Variants in RNF212 observed in about 807,000 individuals in gnomAD.
RNF212 encodes the protein probable E3 SUMO-protein ligase RNF212.
In RNF212, 33 loss-of-function variants were observed where a neutral mutation model predicts 34.7. The observed-to-expected ratio is 0.95, with a 90% CI of 0.72 to 1.27. RNF212 has a LOEUF of 1.27. Ranked by LOEUF, RNF212 falls within the 50% of genes most tolerant of loss-of-function variation. RNF212 has a pLI of 0.00. For missense variants in RNF212, 377 were observed against 362.2 expected (o/e 1.04, Z -0.33); for synonymous variants, 140 against 136.1 (o/e 1.03, Z -0.20).
At position 1,081,528 on chromosome 4, in the gene RNF212, A is replaced by G. The variant is rs746744686; in HGVS notation, c.415+39T>C. The G allele has an allele frequency of 1.2e-5, 19 of 1,604,232 alleles. No individual in the cohort carries two copies. In the African/African-American group the frequency reaches 1.5e-4, roughly 12 times the overall value. On this transcript the variant is annotated intron_variant, in intron 6 of 9. Transcript: ENST00000433731. ...CACACAGTGTGACTCAGCAACATGC[A>G]TCTCTATTTTGTTCTCTTTCTGGCA...
intron 1 of RNF212, among the ~76,000 whole-genome samples, chr4:1,111,006 G>A (rs1355316386): frequency 1.3e-5 from 2 of 152,052 alleles, no homozygotes; most frequent in Admixed American, 1.3e-4. Flanking sequence ...AAGCTATGAC[G>A]CTCTGAGCCC....
rs1364986949 is a variant in RNF212 at position 1,113,518 on chromosome 4, G to C, written c.-54C>G. On this transcript the variant is annotated 5_prime_UTR_variant, in exon 1 of 10. Transcript: ENST00000433731. ...CGGGCCCACGCGAAGCCCACGCAAG[G>C]TTGGGACCAGCCTCCCCGCGCAGGG... 4 of 1,470,758 alleles carry C rather than the reference G, an allele frequency of 2.7e-6. No homozygotes were observed. The African/African-American group carries it at 5.8e-5, about 21-fold the overall frequency. 91.1% of individuals were successfully genotyped at this position (1,470,758 alleles called of 1,614,324 possible).
chr4:1,087,459 T>G lies in RNF212; in HGVS notation c.304-1505A>C, dbSNP rs1249437134. Among the ~76,000 whole-genome samples, 15 of 38,996 alleles carry G rather than the reference T, an allele frequency of 3.8e-4. No individual in the cohort carries two copies. In the Admixed American group the frequency reaches 4.4e-3, roughly 11 times the overall value. 25.6% of individuals were successfully genotyped at this position (38,996 alleles called of 152,430 possible). On this transcript the variant is annotated intron_variant, in intron 4 of 9. Transcript: ENST00000433731. ...GATAGGATGGGGTGGGGTGACAAGG[T>G]GGGTGGGGGTGACAGGATGGGGTGA...
intron 3 of RNF212, among the ~76,000 whole-genome samples, chr4:1,059,668 C>G (rs750066240): frequency 6.6e-6 from 1 of 152,254 alleles, no homozygotes; most frequent in Non-Finnish European, 1.5e-5. Flanking sequence ...TCCTCATAGC[C>G]GTTGCCTCCT....
At chr4:1,082,042 G>A (rs1720440064) in intron 5 of RNF212, 1 of 227,596 alleles carries the variant, frequency 4.4e-6, no homozygotes, top group Non-Finnish European at 8.7e-6. Context: ...GTTGAGCCCA[G>A]GAGTTGGAGG....
chr4:1,102,325 T>TA (rs1413753895), intron 2 of RNF212, among the ~76,000 whole-genome samples: 2 of 152,308 alleles, frequency 1.3e-5, no homozygotes, highest in East Asian at 1.9e-4. Flanking sequence ...AATCCAGGCA[T>TA]ACTAAAGTTC....
At chr4:1,089,948 T>C (rs527437418) in intron 4 of RNF212, among the ~76,000 whole-genome samples, 2 of 152,294 alleles carry the variant, frequency 1.3e-5, no homozygotes, top group Non-Finnish European at 2.9e-5. Context: ...TTATTCTTTA[T>C]AGCAGTATGA....
chr4:1,083,240 T>C (rs1474201764), intron 5 of RNF212, among the ~76,000 whole-genome samples: 1 of 152,212 alleles, frequency 6.6e-6, no homozygotes, highest in African/African-American at 2.4e-5. Context: ...AGGCTGCCTG[T>C]GAAATGACTA....
chr4:1,058,307 CGGGGG>C (rs141837552), intron 4 of RNF212: 1 of 898,130 alleles, frequency 1.1e-6, no homozygotes, highest in Non-Finnish European at 1.3e-6. Flanking sequence ...AAGGTGCTTG[CGGGGG>C]GGCACTACCT....
downstream of RNF212, among the ~76,000 whole-genome samples, chr4:1,070,716 C>G (rs1718419123): frequency 6.6e-6 from 1 of 152,146 alleles, no homozygotes; most frequent in South Asian, 2.1e-4. Flanking sequence ...GCCAGAGTTA[C>G]AGGTGGTTTT....
chr4:1,065,406 T>A (rs1718027271), intron 3 of RNF212, among the ~76,000 whole-genome samples: 1 of 152,260 alleles, frequency 6.6e-6, no homozygotes, highest in African/African-American at 2.4e-5. Flanking sequence ...ATAAAAATAC[T>A]TTGAGGAAAG....
At chr4:1,081,685 A>G (rs1203698331) in intron 5 of RNF212, 66 bp from the exon 6 acceptor site, 6 of 1,117,938 alleles carry the variant, frequency 5.4e-6, no homozygotes, top group South Asian at 3.8e-5. Flanking sequence ...GGTCATCCCA[A>G]CTGAAAGTGT....
rs1227949046 is a variant in RNF212 at position 1,089,313 on chromosome 4, C to T, written c.303+1469G>A. On this transcript the variant is annotated intron_variant, in intron 4 of 9. Coordinates refer to ENST00000433731, the MANE Select transcript of RNF212 (RefSeq NM_001131034.4). ...GATAAATTTAAGATTTAATGGCTGC[C>T]CTGCTGGGTTCTGGACTTGCATGGG... 2.0e-5 allele frequency among the ~76,000 whole-genome samples: 3 copies of T among 152,198 alleles called. No individual in the cohort carries two copies. In the East Asian group the frequency reaches 5.8e-4, roughly 29 times the overall value.
At chr4:1,098,882 A>G (rs1476975753) in intron 2 of RNF212, among the ~76,000 whole-genome samples, 3 of 152,206 alleles carry the variant, frequency 2.0e-5, no homozygotes, top group Non-Finnish European at 4.4e-5. Context: ...AAATACACAG[A>G]TGCCTCAGAG....
At chr4:1,100,599 G>A in intron 2 of RNF212, 1 of 152,160 alleles carries the variant, frequency 6.6e-6, no homozygotes. Flanking sequence ...AGTAGAGATG[G>A]GGTTTCTCCT....
chr4:1,089,211 G>A (rs62294748), intron 4 of RNF212, among the ~76,000 whole-genome samples: 85,985 of 152,072 alleles, frequency 0.57, 26,317 homozygotes, highest in Non-Finnish European at 0.68. Context: ...GAGCCACAGG[G>A]GTGGAGTTGC....
intron 1 of RNF212, among the ~76,000 whole-genome samples, chr4:1,112,388 G>A (rs1001649274): frequency 2.0e-5 from 3 of 152,062 alleles, no homozygotes; most frequent in African/African-American, 7.3e-5. Flanking sequence ...GTGAGCCACC[G>A]GCACCCAGCT....
chr4:1,113,665 G>T, upstream of RNF212: 2 of 477,134 alleles, frequency 4.2e-6, no homozygotes, highest in East Asian at 3.8e-5. Flanking sequence ...GGGCGCGTGT[G>T]ACTCGTCTCC....
chr4:1,081,787 C>A, intron 5 of RNF212, 168 bp from the exon 6 acceptor site: 1 of 609,998 alleles, frequency 1.6e-6, no homozygotes, highest in Non-Finnish European at 2.9e-6. Flanking sequence ...CTGTGAGTCG[C>A]ACGGCCCTGC....
Sources: gnomAD v4.1 joint callset for allele counts (sites outside exome capture counted in the v4.1 genomes callset) on GRCh38, gnomAD v4.1.1 for gene constraint, MANE v1.5 for transcripts, NCBI Gene and HGNC (gene_info 2026-07-23, HGNC 2026-07-21) for gene names.